The following TRIO variants were observed in gnomAD, a reference collection of about 807,000 sequenced individuals.
The protein encoded by TRIO is triple functional domain protein.
Under a neutral mutation model 351.9 loss-of-function variants are expected in TRIO, and 58 were observed. The ratio of observed to expected loss-of-function variants is 0.16; its 90% CI spans 0.13 to 0.21. The LOEUF (loss-of-function observed/expected upper bound fraction) is 0.21. TRIO is among the 10% of genes least tolerant of loss of function. The pLI is 1.00. For synonymous variants in TRIO, 1,758 were observed against 1,595.7 expected (o/e 1.10, Z -2.42); for missense variants, 3,201 against 4,027.8 (o/e 0.79, Z 5.56).
chr5:14,508,203 G>A lies in TRIO; in HGVS notation c.9075G>A (p.Glu3025=), dbSNP rs753352747. ...AAGGAGTGAGCCAGAAGGCCAAGGA[G>A]TTCGTGTGCTTCCTCCTGCAGGAGG... ...YFKGVSQKAK[E]FVCFLLQEDP... is the part of the protein sequence containing the mutation. The change falls in exon 57 of 57, where the codon GAG becomes GAA. Residue 3025 remains glutamate (E), a synonymous_variant. Coordinates refer to ENST00000344204, the MANE Select transcript of TRIO (RefSeq NM_007118.4). The A allele has an allele frequency of 6.2e-7, 1 of 1,614,110 alleles. No homozygotes were observed. The highest frequency in any genetic ancestry group is 1.1e-5 in the South Asian group (1 of 91,088).
At chr5:14,359,291 C>A in intron 12 of TRIO, 66 bp from the exon 13 acceptor site, 1 of 1,553,026 alleles carries the variant, frequency 6.4e-7, no homozygotes, top group Non-Finnish European at 8.8e-7. Context: ...TTTGCGTGGC[C>A]GGATCTGGTA....
In TRIO at chr5:14,420,037, G is replaced by A; in HGVS notation, c.5203+16G>A. ...AACCACAAAGGTAGGAATCAGTGGG[G>A]CATGGGTGGCAGACCCCTACTGGAA... On this transcript the variant is annotated intron_variant, in intron 34 of 56. Coordinates refer to ENST00000344204, the MANE Select transcript of TRIO (RefSeq NM_007118.4). 1 of 1,606,072 alleles carries A rather than the reference G, an allele frequency of 6.2e-7. No individual in the cohort carries two copies. The highest frequency in any genetic ancestry group is 1.1e-5 in the South Asian group (1 of 90,726).
At position 14,434,443 on chromosome 5, in the gene TRIO, C is replaced by G. The variant is rs540469474; in HGVS notation, c.5203+14422C>G. 4.6e-5 allele frequency among the ~76,000 whole-genome samples: 7 copies of G among 152,222 alleles called. No homozygotes were observed. In the South Asian group the frequency reaches 1.0e-3, roughly 23 times the overall value. ...TTTTCTGGTAACTTTTTCATACTCTCAGTTTCTTTAGCTATTTGCATTTAA... is the reference window on the plus strand; with the variant it reads ...TTTTCTGGTAACTTTTTCATACTCTGAGTTTCTTTAGCTATTTGCATTTAA... On this transcript the variant is annotated intron_variant, in intron 34 of 56. Coordinates refer to ENST00000344204, the MANE Select transcript of TRIO (RefSeq NM_007118.4).
In TRIO at chr5:14,487,449, T is replaced by G; in HGVS notation, c.6836-15T>G. On this transcript the variant is annotated splice_polypyrimidine_tract_variant and intron_variant, in intron 47 of 56. Transcript: ENST00000344204. ...GGCGCCCTGACCCAGTCTCTCCCGC[T>G]GTCTTGTCTTACAGCCTTGACATCG... is the stretch of plus-strand genomic sequence containing the variant. 9.2e-7 allele frequency: 1 copy of G among 1,092,746 alleles called. No homozygotes were observed. The highest frequency in any genetic ancestry group is 1.1e-6 in the Non-Finnish European group (1 of 881,392). The allele number at this position is 1,092,746 out of a possible 1,614,324, so 67.7% of individuals were successfully genotyped here. A position where few individuals can be genotyped will look rare whatever the true frequency, so the allele number is the denominator to read the frequency against.
chr5:14,184,223 C>T (rs1231146140), intron 1 of TRIO, among the ~76,000 whole-genome samples: 1 of 152,222 alleles, frequency 6.6e-6, no homozygotes, highest in Non-Finnish European at 1.5e-5. Context: ...ATTTGCTCCT[C>T]AGCTTAGCAA....
At chr5:14,240,976 G>A (rs1333365207) in intron 1 of TRIO, among the ~76,000 whole-genome samples, 1 of 152,024 alleles carries the variant, frequency 6.6e-6, no homozygotes, top group Non-Finnish European at 1.5e-5. Context: ...GAAGTTCTTG[G>A]GTCCCTAGAA....
intron 1 of TRIO, among the ~76,000 whole-genome samples, chr5:14,215,226 C>T (rs1432193977): frequency 6.6e-6 from 1 of 152,198 alleles, no homozygotes; most frequent in Non-Finnish European, 1.5e-5. Flanking sequence ...TAACTAAAAG[C>T]ATGCATCGTT....
At position 14,510,164 on chromosome 5, in the gene TRIO, T is replaced by G. The variant is rs1358886801; in HGVS notation, c.*1742T>G. ...TATGATGTGATGTAAATATTTTATT[T>G]TGCCATCAGTTATTTTAAAAAATTA... is the stretch of plus-strand genomic sequence containing the variant. On this transcript the variant is annotated 3_prime_UTR_variant, in exon 57 of 57. Transcript: ENST00000344204. The G allele has an allele frequency of 1.3e-5, 2 of 152,268 alleles. No homozygotes were observed. Among genetic ancestry groups the G allele is most frequent in the Non-Finnish European group, 2.9e-5 (2 of 68,048 alleles). 9.4% of individuals were successfully genotyped at this position (152,268 alleles called of 1,614,324 possible). A position where few individuals can be genotyped will look rare whatever the true frequency, so the allele number is the denominator to read the frequency against.
At chr5:14,333,407 T>G (rs1029077119) in intron 10 of TRIO, among the ~76,000 whole-genome samples, 5 of 152,210 alleles carry the variant, frequency 3.3e-5, no homozygotes, top group African/African-American at 1.2e-4. Flanking sequence ...CCTGGGAATT[T>G]GTGTGCCTTT....
At chr5:14,244,051 T>G (rs1011659779) in intron 1 of TRIO, among the ~76,000 whole-genome samples, 3 of 152,226 alleles carry the variant, frequency 2.0e-5, no homozygotes, top group African/African-American at 7.2e-5. Context: ...CAATTTAGCA[T>G]TTTACACTTC....
chr5:14,495,658 GAAAAAAA>G (rs56018324), intron 49 of TRIO, among the ~76,000 whole-genome samples: 8 of 32,594 alleles, frequency 2.5e-4, no homozygotes, highest in South Asian at 2.5e-3. Flanking sequence ...GTCTCTACTA[GAAAAAAA>G]AAAAAAAAAA....
intron 11 of TRIO, among the ~76,000 whole-genome samples, chr5:14,354,234 T>A (rs894223612): frequency 2.0e-5 from 3 of 152,276 alleles, no homozygotes; most frequent in Non-Finnish European, 4.4e-5. Context: ...CCAGGGTATG[T>A]GGATTCTCTT....
Position 14,498,242 on chromosome 5 carries a change from T to C in TRIO, c.8201T>C (p.Ile2734Thr), listed in dbSNP as rs1757028278. The C allele has an allele frequency of 1.9e-6, 3 of 1,614,128 alleles. No homozygotes were observed. The East Asian group carries it at 6.7e-5, about 36-fold the overall frequency. ...TTGAACAACGATGGTCACTACAGCA[T>C]CTCCTACAGGTGAGGGAGGCCCACT... The part of the protein sequence containing the change: ...NTLNNDGHYS[I>T]SYSDLGEATL... The change falls in exon 52 of 57, where the codon ATC (isoleucine) becomes ACC (threonine). Residue 2734 changes from isoleucine to threonine, a missense_variant. Ile to Thr is a moderately conservative substitution (Grantham distance 89). This residue lies in a region of TRIO where 1,089 missense variants were observed against 954.9 expected (regional missense o/e 1.14). Transcript: ENST00000344204.
chr5:14,463,823 G>C (rs976626488), intron 36 of TRIO, among the ~76,000 whole-genome samples: 1 of 151,966 alleles, frequency 6.6e-6, no homozygotes, highest in Non-Finnish European at 1.5e-5. Flanking sequence ...TCTATTTTAC[G>C]ACATGGGATT....
chr5:14,299,657 G>A (rs116562554), intron 7 of TRIO, among the ~76,000 whole-genome samples: 83 of 152,274 alleles, frequency 5.5e-4, no homozygotes, highest in African/African-American at 2.0e-3. Context: ...TAAATGATTT[G>A]CCTTCTAGTT....
intron 8 of TRIO, among the ~76,000 whole-genome samples, chr5:14,306,949 C>T (rs1738427138): frequency 6.6e-6 from 1 of 152,154 alleles, no homozygotes; most frequent in Non-Finnish European, 1.5e-5. Context: ...AACAGCCTCT[C>T]AAACTGAGGT....
At chr5:14,399,294 T>C in intron 30 of TRIO, 1 of 542,506 alleles carries the variant, frequency 1.8e-6, no homozygotes, top group Admixed American at 3.3e-5. Context: ...CTTGCTCTTC[T>C]TAAATCCTGT....
At chr5:14,182,311 T>G (rs766506067) in intron 1 of TRIO, among the ~76,000 whole-genome samples, 1 of 152,226 alleles carries the variant, frequency 6.6e-6, no homozygotes, top group East Asian at 1.9e-4. Context: ...TGGTTCCCTC[T>G]TAGCTGAGAA....
chr5:14,447,527 T>C (rs1752527806), intron 34 of TRIO, among the ~76,000 whole-genome samples: 1 of 152,234 alleles, frequency 6.6e-6, no homozygotes, highest in African/African-American at 2.4e-5. Context: ...AAACCACTAA[T>C]TGCACAATTT....
Sources: gnomAD v4.1 joint callset for allele counts (sites outside exome capture counted in the v4.1 genomes callset) on GRCh38, gnomAD v4.1.1 for gene constraint, gnomAD v4.1.1 regional missense constraint, MANE v1.5 for transcripts, NCBI Gene and HGNC (gene_info 2026-07-23, HGNC 2026-07-21) for gene names.